The following CATSPER2 variants were observed in gnomAD, a reference collection of about 807,000 sequenced individuals.
CATSPER2 encodes cation channel sperm associated 2, also known as cation channel sperm-associated protein 2.
Under a neutral mutation model 68.8 loss-of-function variants are expected in CATSPER2, and 56 were observed. The observed-to-expected ratio is 0.81, with a 90% CI of 0.66 to 1.02. CATSPER2 has a LOEUF of 1.02. Ranked by LOEUF, CATSPER2 falls within the 50% of genes least tolerant of loss-of-function variation. CATSPER2 has a pLI of 0.00. For missense variants in CATSPER2, 582 were observed against 642.0 expected (o/e 0.91, Z 1.01); for synonymous variants, 198 against 229.9 (o/e 0.86, Z 1.26).
chr15:43,632,304 G>A lies in CATSPER2; in HGVS notation c.1456C>T (p.Gln486Ter). ...ENLPGLMEMDQDDRVWPRDSL... is the reference protein window; with the variant it reads ...ENLPGLMEMD ...TCTCTGGGCCAAACACGGTCATCCTGATCCATTTCCATTAGCCCGGGCAGA... is the reference window on the plus strand; with the variant it reads ...TCTCTGGGCCAAACACGGTCATCCTAATCCATTTCCATTAGCCCGGGCAGA... Residue 486 changes from glutamine to a stop codon, truncating the protein, a stop_gained, in exon 12 of 13, where the codon CAG (glutamine) becomes TAG (stop). Coordinates refer to ENST00000396879, the MANE Select transcript of CATSPER2 (RefSeq NM_172095.4). LOFTEE classifies it high-confidence loss of function. 1.2e-6 allele frequency: 2 copies of A among 1,613,676 alleles called. 1 individual carries two copies. Among genetic ancestry groups the A allele is most frequent in the Non-Finnish European group, 1.7e-6 (2 of 1,179,850 alleles).
intron 11 of CATSPER2, 134 bp downstream of exon 11, chr15:43,632,583 G>C: frequency 6.4e-7 from 1 of 1,553,334 alleles, no homozygotes; most frequent in Non-Finnish European, 8.8e-7. Flanking sequence ...AAATTAAGAA[G>C]CAAAAACAAA....
intron 7 of CATSPER2, among the ~76,000 whole-genome samples, chr15:43,636,614 C>T (rs1319560120): frequency 6.6e-6 from 1 of 151,570 alleles, no homozygotes; most frequent in African/African-American, 2.4e-5. Flanking sequence ...TGGTCTCGAA[C>T]TCCTGACCTA....
chr15:43,638,286 C>CTTTCTTTTTTTTTTTTTTTTTTTTTTT lies in CATSPER2; in HGVS notation c.842+617_842+618insAAAAAAAAAAAAAAAAAAAAAAAGAAA, dbSNP rs1354288133. On this transcript the variant is annotated intron_variant, in intron 7 of 12. Coordinates refer to ENST00000396879, the MANE Select transcript of CATSPER2 (RefSeq NM_172095.4). ...ATTTTTCTTTTCTTTTTCTTTCTTT[C>CTTTCTTTTTTTTTTTTTTTTTTTTTTT]TTTTTTTTTTTTTTTTTTTTTGAGA... is the stretch of plus-strand genomic sequence containing the variant. Among the ~76,000 whole-genome samples, 12 of 81,834 alleles carry CTTTCTTTTTTTTTTTTTTTTTTTTTTT rather than the reference C, an allele frequency of 1.5e-4. 2 individuals are homozygous for CTTTCTTTTTTTTTTTTTTTTTTTTTTT. Among genetic ancestry groups the CTTTCTTTTTTTTTTTTTTTTTTTTTTT allele is most frequent in the African/African-American group, 6.8e-4 (9 of 13,272 alleles). 53.7% of individuals were successfully genotyped at this position (81,834 alleles called of 152,430 possible).
At chr15:43,643,905 C>T (rs2447210) in intron 4 of CATSPER2, among the ~76,000 whole-genome samples, 58,304 of 151,684 alleles carry the variant, frequency 0.38, 14,124 homozygotes, top group African/African-American at 0.67. Context: ...CTGCAGTGCA[C>T]TGGTGAGATC....
At chr15:43,634,023 T>C (rs961032241) in intron 10 of CATSPER2, 1 of 151,778 alleles carries the variant, frequency 6.6e-6, no homozygotes, top group African/African-American at 2.4e-5. Context: ...CAATCTCCCT[T>C]AACCTGTTCT....
chr15:43,631,221 C>G (rs759279427), intron 12 of CATSPER2, among the ~76,000 whole-genome samples: 2 of 151,892 alleles, frequency 1.3e-5, no homozygotes, highest in Non-Finnish European at 2.9e-5. Flanking sequence ...TAAAATCCAC[C>G]CCTAAATCTT....
intron 10 of CATSPER2, chr15:43,635,036 C>A (rs1260578997): frequency 5.1e-5 from 19 of 376,170 alleles, no homozygotes; most frequent in Non-Finnish European, 9.3e-5. Context: ...CTTCACATCG[C>A]CTTCTCCTAT....
intron 4 of CATSPER2, chr15:43,642,311 G>A (rs2086090454): frequency 6.6e-6 from 1 of 151,866 alleles, no homozygotes; most frequent in Non-Finnish European, 1.5e-5. Context: ...TGTTGGCCAG[G>A]ATGGTCTCCA....
At chr15:43,646,626 T>C (rs1187938017) in intron 4 of CATSPER2, among the ~76,000 whole-genome samples, 1 of 151,560 alleles carries the variant, frequency 6.6e-6, no homozygotes, top group Non-Finnish European at 1.5e-5. Flanking sequence ...TTGTCCTTAA[T>C]ATAAATGTCA....
rs567204073 is a variant in CATSPER2, at chr15:43,647,924, C to G, written c.138G>C (p.Glu46Asp). 45 of 1,613,648 alleles carry G rather than the reference C, an allele frequency of 2.8e-5. 2 individuals carry two copies. The South Asian group carries it at 4.7e-4, about 17-fold the overall frequency. ...SQAVPRHTIRELLDPSRQKKL... is the reference protein window; with the variant it reads ...SQAVPRHTIRDLLDPSRQKKL... ...AAGAAATAGGCTGCTGACCAAGTAA[C>G]TCCCTGATAGTGTGCCGCGGCACAG... Residue 46 changes from glutamate to aspartate, a missense_variant, in exon 2 of 13, where the codon GAG (glutamate) becomes GAC (aspartate). Around this residue, in one of 5 missense-constraint regions of CATSPER2, gnomAD observed 197 missense variants for 191.0 expected, o/e 1.03. Coordinates refer to ENST00000396879, the MANE Select transcript of CATSPER2 (RefSeq NM_172095.4).
intron 4 of CATSPER2, among the ~76,000 whole-genome samples, chr15:43,643,794 G>A (rs747248942): frequency 3.3e-5 from 5 of 151,922 alleles, no homozygotes; most frequent in Non-Finnish European, 5.9e-5. Flanking sequence ...GTAAAAAATT[G>A]TAATCTTCAG....
intron 9 of CATSPER2, 98 bp downstream of exon 9, chr15:43,635,629 T>C (rs915018974): frequency 4.7e-5 from 56 of 1,180,134 alleles, no homozygotes; most frequent in Non-Finnish European, 7.0e-5. Context: ...GCAAATCTAC[T>C]GTCACAAAGG....
Position 43,632,789 on chromosome 15 carries a change from A to G in CATSPER2, c.1324T>C (p.Ser442Pro), listed in dbSNP as rs1171642363. 1.2e-6 allele frequency: 2 copies of G among 1,613,634 alleles called. No homozygotes were observed. The highest frequency in any genetic ancestry group is 1.3e-5 in the African/African-American group (1 of 74,838). The change falls in exon 11 of 13, where the codon TCT becomes CCT. Residue 442 changes from serine (S) to proline (P), a missense_variant. By Grantham distance (74) the Ser-to-Pro change is moderately conservative. This residue lies in a region of CATSPER2 where 235 missense variants were observed against 264.2 expected (regional missense o/e 0.89). Coordinates refer to ENST00000396879, the MANE Select transcript of CATSPER2 (RefSeq NM_172095.4). ...ETLSKKREYQ[S>P]SSCVSSTSSS... ...GATGTGGAGGAGACACAGGAGGAAG[A>G]CTGGTACTCTCTCTTTTTTGACAAG...
In CATSPER2 at chr15:43,647,399, G is replaced by A. The variant is rs2086189298; in HGVS notation, c.214C>T (p.Gln72Ter). The A allele has an allele frequency of 6.2e-7, 1 of 1,613,522 alleles. No individual in the cohort carries two copies. ...GCATGTGAAATCTGTTCTATACGCT[G>A]AGGCTTTATAGAGAAACGCACTAGC... ...HQLVRFSIKP[Q>*]RIEQISHAQR... The change falls in exon 3 of 13, where the codon CAG becomes TAG. Residue 72 changes from glutamine (Q) to a stop codon, truncating the protein, a stop_gained. Transcript: ENST00000396879. LOFTEE classifies it high-confidence loss of function.
Position 43,640,314 on chromosome 15 carries a change from C to G in CATSPER2, c.561+10G>C. ...CCCACTAAACGAACCCTCAGGATCT[C>G]TATCCTTACCAACATGGTAACAACA... On this transcript the variant is annotated intron_variant, in intron 5 of 12. Coordinates refer to ENST00000396879, the MANE Select transcript of CATSPER2 (RefSeq NM_172095.4). 6.2e-7 allele frequency: 1 copy of G among 1,610,406 alleles called. No individual in the cohort carries two copies. Among genetic ancestry groups the G allele is most frequent in the Non-Finnish European group, 8.5e-7 (1 of 1,177,372 alleles).
chr15:43,632,295 G>T lies in CATSPER2; in HGVS notation c.1465C>A (p.Arg489Ser). The change falls in exon 12 of 13, where the codon CGT (arginine) becomes AGT (serine). Residue 489 changes from arginine (R) to serine (S), a missense_variant. This residue lies in a region of CATSPER2 where 235 missense variants were observed against 264.2 expected (regional missense o/e 0.89). Transcript: ENST00000396879. ...AAGAGTGAGTCTCTGGGCCAAACAC[G>T]GTCATCCTGATCCATTTCCATTAGC... ...PGLMEMDQDDRVWPRDSLFRY... is the reference protein window; with the variant it reads ...PGLMEMDQDDSVWPRDSLFRY... 6.2e-7 allele frequency: 1 copy of T among 1,613,608 alleles called. No individual in the cohort carries two copies. The highest frequency in any genetic ancestry group is 2.2e-5 in the East Asian group (1 of 44,868).
intron 7 of CATSPER2, among the ~76,000 whole-genome samples, chr15:43,636,994 C>T (rs1415269172): frequency 2.0e-5 from 3 of 150,760 alleles, no homozygotes; most frequent in African/African-American, 7.3e-5. Context: ...AGCTAATTTT[C>T]ATATTTTTAG....
intron 10 of CATSPER2, chr15:43,634,491 G>A (rs2085930008): frequency 6.6e-6 from 1 of 151,980 alleles, no homozygotes; most frequent in Non-Finnish European, 1.5e-5. Flanking sequence ...TGGTATTACA[G>A]GCATGAGTCA....
At chr15:43,638,824 TA>T in intron 7 of CATSPER2, 79 bp downstream of exon 7, 1 of 1,541,430 alleles carries the variant, frequency 6.5e-7, no homozygotes, top group South Asian at 1.1e-5. Context: ...GCACTTTTTA[TA>T]TTACTATACT....
Sources: allele counts gnomAD v4.1 joint callset (sites outside exome capture counted in the v4.1 genomes callset), GRCh38; gene constraint gnomAD v4.1.1; regional missense constraint gnomAD v4.1.1; transcripts MANE v1.5; gene names NCBI Gene and HGNC (gene_info 2026-07-23, HGNC 2026-07-21).